DSCAM: variants seen among roughly 807,000 people sequenced by gnomAD.
The protein encoded by DSCAM is DS cell adhesion molecule, also known as cell adhesion molecule DSCAM.
DSCAM carries 47 observed loss-of-function variants against 217.7 expected under a neutral mutation model. That is an observed-to-expected ratio of 0.22 (90% CI 0.17 to 0.28). The LOEUF is 0.28. DSCAM is among the 10% of genes least tolerant of loss of function. The pLI, the probability that DSCAM is intolerant of heterozygous loss-of-function variation, is 1.00. For synonymous variants in DSCAM, 1,056 were observed against 1,015.3 expected, an observed-to-expected ratio of 1.04 and a Z score of -0.76; for missense variants, 2,080 against 2,618.3, an observed-to-expected ratio of 0.79 and a Z score of 4.49.
chr21:40,331,001 A>G (rs1377121203), intron 8 of DSCAM, among the ~76,000 whole-genome samples: 2 of 152,218 alleles, frequency 1.3e-5, no homozygotes, highest in South Asian at 2.1e-4. Flanking sequence ...ACTGCAGTGT[A>G]TGGCCACACA....
At chr21:40,183,098 G>GA (rs2090853107) in intron 14 of DSCAM, among the ~76,000 whole-genome samples, 1 of 72,370 alleles carries the variant, frequency 1.4e-5, no homozygotes, top group Non-Finnish European at 2.6e-5. Context: ...CCGTGGACGG[G>GA]GGGGGTTACC....
At chr21:40,041,008 TAAAG>T (rs1260685072) in intron 32 of DSCAM, among the ~76,000 whole-genome samples, 1 of 151,712 alleles carries the variant, frequency 6.6e-6, no homozygotes, top group Non-Finnish European at 1.5e-5. Context: ...AGAATGAAAA[TAAAG>T]GAAGCCATCA....
At chr21:40,209,600 T>C (rs1346453869) in intron 11 of DSCAM, among the ~76,000 whole-genome samples, 1 of 152,172 alleles carries the variant, frequency 6.6e-6, no homozygotes, top group Non-Finnish European at 1.5e-5. Context: ...AGATGAAATG[T>C]GGCACCTTTC....
At chr21:40,069,952 G>A (rs972566206) in intron 27 of DSCAM, among the ~76,000 whole-genome samples, 1 of 151,934 alleles carries the variant, frequency 6.6e-6, no homozygotes, top group Non-Finnish European at 1.5e-5. Flanking sequence ...GACAAAATAG[G>A]ACACCCAGGC....
At chr21:40,252,367 A>C (rs2146962576) in intron 11 of DSCAM, among the ~76,000 whole-genome samples, 1 of 152,290 alleles carries the variant, frequency 6.6e-6, no homozygotes. Flanking sequence ...TCTTAGCTTA[A>C]GTTATGAGGA....
intron 1 of DSCAM, among the ~76,000 whole-genome samples, chr21:40,827,854 T>C (rs2091982877): frequency 6.6e-6 from 1 of 152,178 alleles, no homozygotes; most frequent in Non-Finnish European, 1.5e-5. Context: ...TGTAAGGACC[T>C]CACATCAAGC....
chr21:40,780,975 A>G (rs1319625012), intron 1 of DSCAM, among the ~76,000 whole-genome samples: 1 of 151,896 alleles, frequency 6.6e-6, no homozygotes, highest in Non-Finnish European at 1.5e-5. Context: ...TCAAAACAAG[A>G]TGTTTAACAT....
At chr21:40,680,761 A>G (rs887665646) in intron 3 of DSCAM, among the ~76,000 whole-genome samples, 1 of 152,226 alleles carries the variant, frequency 6.6e-6, no homozygotes, top group Non-Finnish European at 1.5e-5. Flanking sequence ...TCTCCCATAC[A>G]TGAGCCTTGG....
At chr21:40,091,864 A>C (rs2089614463) in intron 21 of DSCAM, among the ~76,000 whole-genome samples, 1 of 152,114 alleles carries the variant, frequency 6.6e-6, no homozygotes, top group Admixed American at 6.5e-5. Flanking sequence ...CAGCACAGGA[A>C]AGACCTGCTC....
In DSCAM at chr21:40,252,849, G is replaced by T. The variant is rs548471795; in HGVS notation, c.2356+23248C>A. 4.5e-3 allele frequency among the ~76,000 whole-genome samples: 682 copies of T among 152,266 alleles called. 3 individuals carry two copies. Among genetic ancestry groups the T allele is most frequent in the Middle Eastern group, 0.027 (8 of 294 alleles). Reference sequence around the variant, plus strand: ...ACTTCCCAACGTATAAAACAAAATTGGGGGAAGTGGGGAGAAAGAGAAAAT... The same window carrying T: ...ACTTCCCAACGTATAAAACAAAATTTGGGGAAGTGGGGAGAAAGAGAAAAT... On this transcript the variant is annotated intron_variant, in intron 11 of 32. Coordinates refer to ENST00000400454, the MANE Select transcript of DSCAM (RefSeq NM_001389.5).
intron 1 of DSCAM, among the ~76,000 whole-genome samples, chr21:40,733,489 G>A (rs952618928): frequency 1.3e-5 from 2 of 152,208 alleles, no homozygotes; most frequent in East Asian, 3.9e-4. Flanking sequence ...CTAATGAGTA[G>A]AGGCCAGGGA....
At chr21:40,558,685 T>A (rs1013988299) in intron 3 of DSCAM, among the ~76,000 whole-genome samples, 1 of 152,212 alleles carries the variant, frequency 6.6e-6, no homozygotes, top group African/African-American at 2.4e-5. Context: ...GATACACTTT[T>A]CTTTTTTACA....
chr21:40,513,772 T>C (rs541508802), intron 3 of DSCAM, among the ~76,000 whole-genome samples: 3 of 152,202 alleles, frequency 2.0e-5, no homozygotes, highest in East Asian at 1.9e-4. Flanking sequence ...ATCCAAACTA[T>C]GTCAACATGG....
intron 11 of DSCAM, among the ~76,000 whole-genome samples, chr21:40,245,192 G>A (rs1364409235): frequency 6.6e-6 from 1 of 152,206 alleles, no homozygotes; most frequent in African/African-American, 2.4e-5. Context: ...GCCTGTTGGG[G>A]TAATGACACA....
chr21:40,525,892 C>A (rs1238563245), intron 3 of DSCAM, among the ~76,000 whole-genome samples: 1 of 152,070 alleles, frequency 6.6e-6, no homozygotes, highest in Admixed American at 6.5e-5. Flanking sequence ...CATGAACAGA[C>A]CTCAGCCATA....
chr21:40,254,455 G>T (rs1048553343), intron 11 of DSCAM, among the ~76,000 whole-genome samples: 15 of 152,130 alleles, frequency 9.9e-5, no homozygotes, highest in African/African-American at 3.6e-4. Context: ...ATTTTCTGAC[G>T]CATACAAAAT....
At chr21:40,537,960 G>A (rs1259180068) in intron 3 of DSCAM, among the ~76,000 whole-genome samples, 1 of 152,170 alleles carries the variant, frequency 6.6e-6, no homozygotes, top group Non-Finnish European at 1.5e-5. Flanking sequence ...GCCCTGAAGT[G>A]GGACCCAGGT....
chr21:40,267,778 T>C (rs964180592), intron 11 of DSCAM, among the ~76,000 whole-genome samples: 18 of 151,836 alleles, frequency 1.2e-4, no homozygotes, highest in African/African-American at 4.4e-4. Flanking sequence ...TGCCTGTAAG[T>C]CCAGCTACTT....
At chr21:40,773,733 G>A (rs1270896974) in intron 1 of DSCAM, among the ~76,000 whole-genome samples, 1 of 152,222 alleles carries the variant, frequency 6.6e-6, no homozygotes, top group Non-Finnish European at 1.5e-5. Flanking sequence ...AGACACTGTG[G>A]TGGGCAGGCA....
Sources: allele counts gnomAD v4.1 joint callset (sites outside exome capture counted in the v4.1 genomes callset), GRCh38; gene constraint gnomAD v4.1.1; transcripts MANE v1.5; gene names NCBI Gene and HGNC (gene_info 2026-07-23, HGNC 2026-07-21).